Variants in EIF2AK1 observed in about 807,000 individuals in gnomAD.
EIF2AK1 encodes the protein eukaryotic translation initiation factor 2 alpha kinase 1.
EIF2AK1 carries 54 observed loss-of-function variants against 77.9 expected under a neutral mutation model. That is an observed-to-expected ratio of 0.69 (90% CI 0.56 to 0.87). The LOEUF (loss-of-function observed/expected upper bound fraction) is 0.87. Ranked by LOEUF, EIF2AK1 falls within the 40% of genes least tolerant of loss-of-function variation. EIF2AK1 has a pLI of 0.00. For missense variants in EIF2AK1, 810 were observed against 768.6 expected, an observed-to-expected ratio of 1.05 and a Z score of -0.64; for synonymous variants, 314 against 290.5, an observed-to-expected ratio of 1.08 and a Z score of -0.82.
At chr7:6,052,501 C>A (rs545212530) in intron 2 of EIF2AK1, among the ~76,000 whole-genome samples, 1 of 134,368 alleles carries the variant, frequency 7.4e-6, no homozygotes, top group East Asian at 2.3e-4. Context: ...TCAAGTTTAT[C>A]AAAATGATAA....
intron 11 of EIF2AK1, chr7:6,031,573 C>A (rs1229508032): frequency 6.4e-7 from 1 of 1,550,808 alleles, no homozygotes; most frequent in Non-Finnish European, 8.7e-7. Flanking sequence ...CCGCCAGCAA[C>A]AGATTACTTC....
intron 14 of EIF2AK1, chr7:6,026,433 A>C (rs747449144): frequency 1.2e-5 from 7 of 574,884 alleles, no homozygotes; most frequent in South Asian, 9.2e-5. Flanking sequence ...GAAGTTTCCT[A>C]CCGGCCTTCG....
Position 6,035,679 on chromosome 7 carries a change from C to T in EIF2AK1, c.1332+1745G>A, listed in dbSNP as rs866585170. On this transcript the variant is annotated intron_variant, in intron 11 of 14. Coordinates refer to ENST00000199389, the MANE Select transcript of EIF2AK1 (RefSeq NM_014413.4). This position sits in a 1 kb window ranked among gnomAD's most constrained non-coding sequence, Gnocchi z 5.5. ...CATAGCATATGGTTGCTATCCAGTTCTCTCCATTTTGACCCAAAATGGTGC... is the reference window on the plus strand; with the variant it reads ...CATAGCATATGGTTGCTATCCAGTTTTCTCCATTTTGACCCAAAATGGTGC... 6.4e-7 allele frequency: 1 copy of T among 1,550,694 alleles called. No individual in the cohort carries two copies. Among genetic ancestry groups the T allele is most frequent in the African/African-American group, 1.4e-5 (1 of 73,166 alleles).
intron 2 of EIF2AK1, 116 bp downstream of exon 2, chr7:6,054,430 C>CG: frequency 8.9e-7 from 1 of 1,123,652 alleles, no homozygotes; most frequent in South Asian, 1.6e-5. Context: ...TCTCGATCTC[C>CG]GGACCTCGGG....
intron 7 of EIF2AK1, among the ~76,000 whole-genome samples, chr7:6,043,628 C>T (rs2128889805): frequency 6.6e-6 from 1 of 151,356 alleles, no homozygotes; most frequent in South Asian, 2.1e-4. Context: ...GGGGTTTCAC[C>T]ATATTGGCCA....
In EIF2AK1 at chr7:6,038,636, C is replaced by G. The variant is rs1208601928; in HGVS notation, c.1155G>C (p.Gln385His). 6.2e-7 allele frequency: 1 copy of G among 1,613,308 alleles called. No individual in the cohort carries two copies. The highest frequency in any genetic ancestry group is 1.3e-5 in the African/African-American group (1 of 74,986). Residue 385 changes from glutamine to histidine, a missense_variant, in exon 10 of 15, where the codon CAG (glutamine) becomes CAC (histidine). Gln to His is a conservative substitution (Grantham distance 24). This residue lies in a region of EIF2AK1 where 549 missense variants were observed against 533.7 expected (regional missense o/e 1.03). Transcript: ENST00000199389. The part of the protein sequence containing the change: ...QYHLMLHIQM[Q>H]LCELSLWDWI... ...AATCCCACAGCGAGAGCTCACACAGCTGCATCTGGATGTGCAGCATCAGGT... is the reference window on the plus strand; with the variant it reads ...AATCCCACAGCGAGAGCTCACACAGGTGCATCTGGATGTGCAGCATCAGGT...
intron 2 of EIF2AK1, among the ~76,000 whole-genome samples, chr7:6,050,756 C>A (rs1472330393): frequency 6.6e-6 from 1 of 151,866 alleles, no homozygotes; most frequent in Non-Finnish European, 1.5e-5. Flanking sequence ...GCGCCTGCCA[C>A]CAGGCCCAGC....
chr7:6,044,535 A>G (rs753418339), intron 7 of EIF2AK1, 27 bp downstream of exon 7: 22 of 1,595,928 alleles, frequency 1.4e-5, no homozygotes, highest in Non-Finnish European at 1.9e-5. Flanking sequence ...CAACGCTTCA[A>G]CTACCATACC....
In EIF2AK1 at chr7:6,047,062, G is replaced by C. The variant is rs1432106458; in HGVS notation, c.479C>G (p.Thr160Ser). ...RSREVALEAQTSRYLNEFEEL... is the reference protein window; with the variant it reads ...RSREVALEAQSSRYLNEFEEL... ...TTCAAATTCATTTAAGTAACGTGAA[G>C]TTTGTGCTTCCAAGGCTACTTCCCT... The change falls in exon 5 of 15, where the codon ACT becomes AGT. Residue 160 changes from threonine (T) to serine (S), a missense_variant. Physicochemically the swap from Thr to Ser is moderately conservative, Grantham distance 58 (BLOSUM62 1). Transcript: ENST00000199389. 6.2e-7 allele frequency: 1 copy of C among 1,613,826 alleles called. No homozygotes were observed. Among genetic ancestry groups the C allele is most frequent in the Non-Finnish European group, 8.5e-7 (1 of 1,179,992 alleles).
intron 8 of EIF2AK1, among the ~76,000 whole-genome samples, chr7:6,041,816 G>A (rs1788306375): frequency 6.7e-6 from 1 of 148,956 alleles, no homozygotes; most frequent in Non-Finnish European, 1.5e-5. Context: ...ACTCCACCCT[G>A]GCCAACAGAG....
chr7:6,022,629 A>G lies in EIF2AK1; in HGVS notation c.*2044T>C, dbSNP rs530597118. Reference sequence around the variant, plus strand: ...AGGAGGAGCAGAGATGAAGCAACGCAAAGATGCCCTTGTTCGTCTGCAAAA... The same window carrying G: ...AGGAGGAGCAGAGATGAAGCAACGCGAAGATGCCCTTGTTCGTCTGCAAAA... On this transcript the variant is annotated 3_prime_UTR_variant, in exon 15 of 15. Coordinates refer to ENST00000199389, the MANE Select transcript of EIF2AK1 (RefSeq NM_014413.4). 7 of 152,376 alleles carry G rather than the reference A, an allele frequency of 4.6e-5. No individual in the cohort carries two copies. The highest frequency in any genetic ancestry group is 1.4e-4 in the African/African-American group (6 of 41,558). 9.4% of individuals were successfully genotyped at this position (152,376 alleles called of 1,614,324 possible). A position where few individuals can be genotyped will look rare whatever the true frequency, so the allele number is the denominator to read the frequency against.
At chr7:6,044,521 T>C (rs983019219) in intron 7 of EIF2AK1, 41 bp downstream of exon 7, 17 of 1,556,518 alleles carry the variant, frequency 1.1e-5, no homozygotes, top group South Asian at 2.3e-5. Context: ...GGGCTAAAGT[T>C]TGCCAACGCT....
chr7:6,049,943 A>G lies in EIF2AK1; in HGVS notation c.380T>C (p.Leu127Ser). Reference protein sequence around the residue: ...RLHHNRAITHLMRSAKERVRQ... With the variant: ...RLHHNRAITHSMRSAKERVRQ... Reference sequence around the variant, plus strand: ...AACTCTCTCTTTAGCAGACCTCATTAAGTGAGTAATAGCTCTGTTGTGATG... The same window carrying G: ...AACTCTCTCTTTAGCAGACCTCATTGAGTGAGTAATAGCTCTGTTGTGATG... Residue 127 changes from leucine to serine, a missense_variant, in exon 3 of 15, where the codon TTA (leucine) becomes TCA (serine). By Grantham distance (145) the Leu-to-Ser change is moderately radical. Around this residue, in one of 3 missense-constraint regions of EIF2AK1, gnomAD observed 246 missense variants for 199.0 expected, o/e 1.24. Transcript: ENST00000199389. 6.2e-7 allele frequency: 1 copy of G among 1,612,706 alleles called. No individual in the cohort carries two copies. The highest frequency in any genetic ancestry group is 8.5e-7 in the Non-Finnish European group (1 of 1,179,650).
In EIF2AK1 at chr7:6,026,915, G is replaced by A. The variant is rs201650496; in HGVS notation, c.1577C>T (p.Pro526Leu). 9.2e-5 allele frequency: 148 copies of A among 1,614,034 alleles called. No homozygotes were observed. Among genetic ancestry groups the A allele is most frequent in the East Asian group, 6.2e-4 (28 of 44,874 alleles). The change falls in exon 14 of 15, where the codon CCG becomes CTG. Residue 526 changes from proline to leucine, a missense_variant. Coordinates refer to ENST00000199389, the MANE Select transcript of EIF2AK1 (RefSeq NM_014413.4). ...LGVVLLELFQ[P>L]FGTEMERAEV... ...TGCTCGCTCCATTTCTGTTCCAAAC[G>A]GCTGAAAGAGCTCTAGCAGGACCAC...
intron 1 of EIF2AK1, among the ~76,000 whole-genome samples, chr7:6,057,230 G>A (rs1410336106): frequency 4.8e-5 from 7 of 144,340 alleles, no homozygotes; most frequent in Admixed American, 2.9e-4. Flanking sequence ...CCTCCCGGAC[G>A]ACCCCATCTC....
Position 6,058,920 on chromosome 7 carries a change from G to A in EIF2AK1, c.118+46C>T, listed in dbSNP as rs1788872534. On this transcript the variant is annotated intron_variant, in intron 1 of 14. Transcript: ENST00000199389. Reference sequence around the variant, plus strand: ...CTGCCTTTGCCGCCCAGAAACGCAGGTGGACAGAGAGAGCAGAGCGGCGAC... The same window carrying A: ...CTGCCTTTGCCGCCCAGAAACGCAGATGGACAGAGAGAGCAGAGCGGCGAC... 3 of 1,462,554 alleles carry A rather than the reference G, an allele frequency of 2.1e-6. No homozygotes were observed. The African/African-American group carries it at 4.4e-5, about 22-fold the overall frequency. The allele number at this position is 1,462,554 out of a possible 1,614,324, so 90.6% of individuals were successfully genotyped here. A position where few individuals can be genotyped will look rare whatever the true frequency, so the allele number is the denominator to read the frequency against.
At chr7:6,051,310 C>T (rs1230425769) in intron 2 of EIF2AK1, among the ~76,000 whole-genome samples, 4 of 143,848 alleles carry the variant, frequency 2.8e-5, no homozygotes, top group East Asian at 2.1e-4. Context: ...CTCACTCTGT[C>T]GCCCAGGCTG....
chr7:6,039,492 C>A (rs1176274148), intron 9 of EIF2AK1, among the ~76,000 whole-genome samples: 1 of 151,824 alleles, frequency 6.6e-6, no homozygotes, highest in Non-Finnish European at 1.5e-5. Flanking sequence ...CGTAGTGGCG[C>A]GTGCCTGTAA....
At chr7:6,042,834 C>G in intron 8 of EIF2AK1, 99 bp downstream of exon 8, 1 of 980,754 alleles carries the variant, frequency 1.0e-6, no homozygotes, top group Non-Finnish European at 1.6e-6. Flanking sequence ...CCACTGCACT[C>G]TAGTCTGGGT....
Sources: allele counts gnomAD v4.1 joint callset (sites outside exome capture counted in the v4.1 genomes callset), GRCh38; gene constraint gnomAD v4.1.1; regional missense constraint gnomAD v4.1.1; non-coding constraint Gnocchi (gnomAD v3.1); transcripts MANE v1.5; gene names NCBI Gene and HGNC (gene_info 2026-07-23, HGNC 2026-07-21).